TRPM3: variants seen among roughly 807,000 people sequenced by gnomAD.
TRPM3 encodes the protein long transient receptor potential channel 3.
In TRPM3, 77 loss-of-function variants were observed where a neutral mutation model predicts 181.2. The ratio of observed to expected loss-of-function variants is 0.42; its 90% CI spans 0.35 to 0.51. TRPM3 has a LOEUF of 0.51. TRPM3 is among the 20% of genes least tolerant of loss of function. The probability of loss-of-function intolerance (pLI) is 0.01; values close to 1 mark genes in which losing one functional copy is unlikely to be tolerated. For synonymous variants in TRPM3, 745 were observed against 796.4 expected (o/e 0.94, Z 1.09); for missense variants, 1,759 against 2,196.7 (o/e 0.80, Z 3.98).
intron 1 of TRPM3, among the ~76,000 whole-genome samples, chr9:71,100,305 T>C (rs1490243507): frequency 6.6e-6 from 1 of 152,048 alleles, no homozygotes. Flanking sequence ...ACAATCCATC[T>C]AGCAATAAAG....
At chr9:71,036,166 G>A (rs1044678476) in intron 1 of TRPM3, among the ~76,000 whole-genome samples, 1 of 151,736 alleles carries the variant, frequency 6.6e-6, no homozygotes, top group Non-Finnish European at 1.5e-5. Context: ...GACAAGTATG[G>A]GCATTAATTT....
At chr9:70,938,340 C>G (rs2096849657) in intron 1 of TRPM3, among the ~76,000 whole-genome samples, 2 of 152,188 alleles carry the variant, frequency 1.3e-5, no homozygotes, top group Admixed American at 6.5e-5. Flanking sequence ...ACCAATAAGT[C>G]ACTGTCACCA....
chr9:70,757,397 C>T (rs1451578371), intron 8 of TRPM3, among the ~76,000 whole-genome samples: 1 of 152,142 alleles, frequency 6.6e-6, no homozygotes, highest in East Asian at 1.9e-4. Flanking sequence ...CCAAATTCTA[C>T]CAGAGGTACA....
At chr9:71,332,945 TAGG>T (rs1350818932) in intron 1 of TRPM3, among the ~76,000 whole-genome samples, 1 of 151,858 alleles carries the variant, frequency 6.6e-6, no homozygotes, top group Non-Finnish European at 1.5e-5. Flanking sequence ...AAATCAATAT[TAGG>T]AGAATTCCCA....
At chr9:71,157,281 C>G (rs2076054846) in intron 1 of TRPM3, among the ~76,000 whole-genome samples, 1 of 151,974 alleles carries the variant, frequency 6.6e-6, no homozygotes, top group Non-Finnish European at 1.5e-5. Context: ...ACTAAAATAC[C>G]AAAGTCTCAC....
chr9:70,740,204 G>A (rs2073753716), intron 8 of TRPM3, among the ~76,000 whole-genome samples: 1 of 152,066 alleles, frequency 6.6e-6, no homozygotes, highest in Non-Finnish European at 1.5e-5. Flanking sequence ...AAAATCAAGT[G>A]CTCAACCCTT....
At chr9:71,395,229 A>G (rs1348297345) in intron 1 of TRPM3, among the ~76,000 whole-genome samples, 1 of 152,216 alleles carries the variant, frequency 6.6e-6, no homozygotes, top group Non-Finnish European at 1.5e-5. Flanking sequence ...ACTTCAGTGT[A>G]TCCCTAGTCT....
intron 8 of TRPM3, among the ~76,000 whole-genome samples, chr9:70,742,976 T>C (rs189111130): frequency 6.3e-4 from 96 of 152,330 alleles, no homozygotes; most frequent in Non-Finnish European, 1.1e-3. Context: ...AAACTATTTT[T>C]CATTGTGGAT....
At position 70,530,430 on chromosome 9, in the gene TRPM3, G is replaced by C. The variant is rs2040722169; in HGVS notation, c.*5523C>G. ...GATTGGCACTGACACTCTTTACAAAGCCTATGGACTTCTAGCCATACACAT... is the reference window on the plus strand; with the variant it reads ...GATTGGCACTGACACTCTTTACAAACCCTATGGACTTCTAGCCATACACAT... On this transcript the variant is annotated 3_prime_UTR_variant, in exon 26 of 26. Coordinates refer to ENST00000677713, the MANE Select transcript of TRPM3 (RefSeq NM_001366145.2). 6.6e-6 allele frequency: 1 copy of C among 152,254 alleles called. No individual in the cohort carries two copies. The highest frequency in any genetic ancestry group is 1.5e-5 in the Non-Finnish European group (1 of 68,080). 9.4% of individuals were successfully genotyped at this position (152,254 alleles called of 1,614,324 possible). A position where few individuals can be genotyped will look rare whatever the true frequency, so the allele number is the denominator to read the frequency against.
intron 1 of TRPM3, among the ~76,000 whole-genome samples, chr9:70,935,068 C>G (rs2096814312): frequency 6.6e-6 from 1 of 152,186 alleles, no homozygotes; most frequent in African/African-American, 2.4e-5. Context: ...TCCATCACTT[C>G]CCCATGCCCT....
At chr9:71,446,926 G>T, upstream of TRPM3, 1 of 1,298,144 alleles carries the variant, frequency 7.7e-7, no homozygotes, top group Non-Finnish European at 1.0e-6. Flanking sequence ...CCTGCGCGCG[G>T]CTCTCGGTTG....
chr9:71,341,077 A>G (rs1299437962), intron 1 of TRPM3, among the ~76,000 whole-genome samples: 1 of 152,152 alleles, frequency 6.6e-6, no homozygotes, highest in Non-Finnish European at 1.5e-5. Context: ...ATGAGTCTAT[A>G]TTGGTTACAT....
chr9:70,628,611 C>G (rs2065093011), intron 12 of TRPM3, among the ~76,000 whole-genome samples: 1 of 151,974 alleles, frequency 6.6e-6, no homozygotes, highest in African/African-American at 2.4e-5. Flanking sequence ...TGCCTGAGCT[C>G]AGGAGTTTGA....
At chr9:71,354,238 C>G (rs2091798547) in intron 1 of TRPM3, among the ~76,000 whole-genome samples, 1 of 152,130 alleles carries the variant, frequency 6.6e-6, no homozygotes, top group African/African-American at 2.4e-5. Context: ...TGCAATAGGC[C>G]ACAGAGAATG....
rs1404619693 is a variant in TRPM3, at chr9:70,894,904, T to TC, written c.178-30394_178-30393insG. The stretch of plus-strand genomic sequence containing the variant: ...CGGTGCTGAAGCCCTACTGCTAAGA[T>TC]TGTGAATAGAAAATGGGAAAAAAGT... On this transcript the variant is annotated intron_variant, in intron 1 of 25. Coordinates refer to ENST00000677713, the MANE Select transcript of TRPM3 (RefSeq NM_001366145.2). 1.4e-4 allele frequency among the ~76,000 whole-genome samples: 21 copies of TC among 152,216 alleles called. 1 individual carries two copies. The East Asian group carries it at 3.9e-3, about 28-fold the overall frequency.
chr9:70,972,370 T>C (rs2097256095), intron 1 of TRPM3, among the ~76,000 whole-genome samples: 1 of 152,184 alleles, frequency 6.6e-6, no homozygotes, highest in South Asian at 2.1e-4. Flanking sequence ...CACAATTTTA[T>C]ACACAAAAGG....
At chr9:71,373,277 C>A (rs998927951) in intron 1 of TRPM3, among the ~76,000 whole-genome samples, 5 of 148,970 alleles carry the variant, frequency 3.4e-5, no homozygotes, top group Admixed American at 6.7e-5. Flanking sequence ...AAGATCAGAG[C>A]TGAAGTGAAG....
At chr9:71,276,355 A>C (rs957036743) in intron 1 of TRPM3, among the ~76,000 whole-genome samples, 5 of 152,224 alleles carry the variant, frequency 3.3e-5, no homozygotes, top group Non-Finnish European at 7.3e-5. Flanking sequence ...TATGAAGGGA[A>C]AGATTGTATC....
chr9:70,862,928 C>T lies in TRPM3; in HGVS notation c.442G>A (p.Gly148Ser). The T allele has an allele frequency of 1.2e-6, 2 of 1,613,388 alleles. No homozygotes were observed. The highest frequency in any genetic ancestry group is 1.7e-6 in the Non-Finnish European group (2 of 1,179,568). The change falls in exon 3 of 26, where the codon GGC becomes AGC. Residue 148 changes from glycine (G) to serine (S), a missense_variant. Around this residue, in one of 8 missense-constraint regions of TRPM3, gnomAD observed 737 missense variants for 957.4 expected, o/e 0.77. Transcript: ENST00000677713. ...AFGTIEFQGGGHSNKAMYVRV... is the reference protein window; with the variant it reads ...AFGTIEFQGGSHSNKAMYVRV... ...ATTACCATGGCTTTGTTGGAATGGC[C>T]ACCTCCTTGGAACTCAATGGTCCCA... is the stretch of plus-strand genomic sequence containing the variant.
Sources: gnomAD v4.1 joint callset for allele counts (sites outside exome capture counted in the v4.1 genomes callset) on GRCh38, gnomAD v4.1.1 for gene constraint, gnomAD v4.1.1 regional missense constraint, MANE v1.5 for transcripts, NCBI Gene and HGNC (gene_info 2026-07-23, HGNC 2026-07-21) for gene names.